Variants in LYN observed in about 807,000 individuals in gnomAD.
LYN encodes LYN proto-oncogene, Src family tyrosine kinase, also known as tyrosine-protein kinase Lyn.
LYN carries 12 observed loss-of-function variants against 65.0 expected under a neutral mutation model. The ratio of observed to expected loss-of-function variants is 0.18; its 90% CI spans 0.12 to 0.30. The LOEUF is 0.30. Ranked by LOEUF, LYN falls within the 10% of genes least tolerant of loss-of-function variation. The probability of loss-of-function intolerance (pLI) is 1.00; values close to 1 mark genes in which losing one functional copy is unlikely to be tolerated. For missense variants in LYN, 380 were observed against 623.2 expected (o/e 0.61, Z 4.16); for synonymous variants, 222 against 221.2 (o/e 1.00, Z -0.03).
intron 1 of LYN, among the ~76,000 whole-genome samples, chr8:55,902,008 G>C (rs1805278385): frequency 7.4e-6 from 1 of 135,598 alleles, no homozygotes; most frequent in African/African-American, 2.8e-5. Flanking sequence ...AAACGTACCT[G>C]TACTTTCTTT....
At chr8:55,952,165 T>A in intron 7 of LYN, 50 bp downstream of exon 7, 1 of 1,451,604 alleles carries the variant, frequency 6.9e-7, no homozygotes, top group Non-Finnish European at 9.3e-7. Context: ...TGTTATGATA[T>A]GTATAAGACG....
intron 1 of LYN, among the ~76,000 whole-genome samples, chr8:55,922,725 C>T (rs748968064): frequency 5.7e-4 from 86 of 151,934 alleles, no homozygotes; most frequent in Middle Eastern, 6.8e-3. Context: ...TGAGATTGTG[C>T]CACTGCACTC....
At chr8:55,890,117 C>CAAAAAAA (rs34706733) in intron 1 of LYN, among the ~76,000 whole-genome samples, 48 of 78,904 alleles carry the variant, frequency 6.1e-4, no homozygotes, top group East Asian at 1.3e-3. Flanking sequence ...CCTCTATAGA[C>CAAAAAAA]AAAAAAAAAA....
intron 1 of LYN, among the ~76,000 whole-genome samples, chr8:55,906,748 A>AGAG (rs1554575495): frequency 1.3e-5 from 2 of 150,670 alleles, no homozygotes; most frequent in African/African-American, 2.5e-5. Context: ...GAGAGAGAGG[A>AGAG]GAGAGAGAGA....
chr8:55,881,720 A>C (rs1351588392), intron 1 of LYN, among the ~76,000 whole-genome samples: 1 of 152,210 alleles, frequency 6.6e-6, no homozygotes, highest in Non-Finnish European at 1.5e-5. Context: ...GGGATAAGCC[A>C]CTTGGGCCAT....
chr8:55,971,785 T>G (rs1346638523), intron 10 of LYN, among the ~76,000 whole-genome samples: 2 of 152,240 alleles, frequency 1.3e-5, no homozygotes, highest in African/African-American at 4.8e-5. Flanking sequence ...TTTAGTGAAT[T>G]ACTACCATTA....
At chr8:55,906,356 G>T (rs1163936685) in intron 1 of LYN, among the ~76,000 whole-genome samples, 3 of 151,830 alleles carry the variant, frequency 2.0e-5, no homozygotes, top group African/African-American at 7.3e-5. Flanking sequence ...GTTTTGTTTT[G>T]TTTTGTTTTT....
At chr8:55,938,500 G>A (rs1297011422) in intron 1 of LYN, among the ~76,000 whole-genome samples, 3 of 152,214 alleles carry the variant, frequency 2.0e-5, no homozygotes, top group Non-Finnish European at 2.9e-5. Context: ...CTCTCCTGCT[G>A]TGACTCATGA....
intron 10 of LYN, among the ~76,000 whole-genome samples, chr8:55,972,320 A>G (rs1807631373): frequency 6.6e-6 from 1 of 152,178 alleles, no homozygotes; most frequent in South Asian, 2.1e-4. Context: ...ACTCTTTCCC[A>G]GCCCTTCCCT....
intron 1 of LYN, among the ~76,000 whole-genome samples, chr8:55,934,312 G>T (rs1806361145): frequency 6.6e-6 from 1 of 152,200 alleles, no homozygotes; most frequent in Non-Finnish European, 1.5e-5. Context: ...TGCCAACAGG[G>T]TTTGAATCTT....
intron 1 of LYN, among the ~76,000 whole-genome samples, chr8:55,918,947 C>G (rs1805856898): frequency 6.8e-6 from 1 of 147,986 alleles, no homozygotes; most frequent in African/African-American, 2.5e-5. Context: ...AGCTGTAATC[C>G]CAGTGCTTTG....
At position 55,911,215 on chromosome 8, in the gene LYN, GTA is replaced by G. The variant is rs796254670; in HGVS notation, c.-5-30629_-5-30628del. On this transcript the variant is annotated intron_variant, in intron 1 of 12. Transcript: ENST00000519728. ...CACACACACATATATATATACACGT[GTA>G]TATATATATACATATACATATATAT... 2.8e-3 allele frequency among the ~76,000 whole-genome samples: 33 copies of G among 11,588 alleles called. 8 individuals are homozygous for G. The highest frequency in any genetic ancestry group is 3.6e-3 in the African/African-American group (22 of 6,142). 7.6% of individuals were successfully genotyped at this position (11,588 alleles called of 152,430 possible).
chr8:55,958,678 A>G (rs1807191187), intron 8 of LYN, among the ~76,000 whole-genome samples: 1 of 152,116 alleles, frequency 6.6e-6, no homozygotes, highest in Admixed American at 6.5e-5. Context: ...GAATTTGACT[A>G]CCTTAGGTAC....
At chr8:55,957,863 G>A (rs933248318) in intron 8 of LYN, among the ~76,000 whole-genome samples, 8 of 152,110 alleles carry the variant, frequency 5.3e-5, no homozygotes, top group South Asian at 2.1e-4. Flanking sequence ...TGGGAGGATC[G>A]CTTGAGCCTA....
intron 1 of LYN, chr8:55,894,176 C>T (rs911610878): frequency 1.2e-4 from 18 of 152,536 alleles, no homozygotes; most frequent in African/African-American, 3.9e-4. Context: ...ATCCCCCAAC[C>T]CCCCCAGCTT....
intron 1 of LYN, among the ~76,000 whole-genome samples, chr8:55,934,220 G>A (rs745752181): frequency 8.6e-5 from 13 of 151,882 alleles, no homozygotes; most frequent in Non-Finnish European, 1.3e-4. Context: ...AGCGAGATCC[G>A]TCTCAAAAAA....
intron 10 of LYN, among the ~76,000 whole-genome samples, chr8:55,974,621 G>A (rs1807701623): frequency 6.6e-6 from 1 of 152,148 alleles, no homozygotes; most frequent in Admixed American, 6.5e-5. Context: ...CAGGCTTGAA[G>A]GGTCTAGAGG....
chr8:55,896,968 G>A (rs1348238657), intron 1 of LYN, among the ~76,000 whole-genome samples: 3 of 152,150 alleles, frequency 2.0e-5, no homozygotes, highest in Non-Finnish European at 2.9e-5. Context: ...TCAAACTCCT[G>A]ACCTTAGGTG....
At chr8:55,995,521 CTGGGATGGGT>C (rs1351084636) in intron 10 of LYN, among the ~76,000 whole-genome samples, 1 of 152,134 alleles carries the variant, frequency 6.6e-6, no homozygotes, top group Non-Finnish European at 1.5e-5. Context: ...GTGCTCAGTG[CTGGGATGGGT>C]TCATGTTCCT....
Sources: gnomAD v4.1 joint callset for allele counts (sites outside exome capture counted in the v4.1 genomes callset) on GRCh38, gnomAD v4.1.1 for gene constraint, MANE v1.5 for transcripts, NCBI Gene and HGNC (gene_info 2026-07-23, HGNC 2026-07-21) for gene names.